PCDHGA6: variants seen among roughly 807,000 people sequenced by gnomAD.
The protein encoded by PCDHGA6 is protocadherin gamma-A6.
A neutral mutation model predicts 60.6 loss-of-function variants in PCDHGA6; 41 were observed. The observed-to-expected ratio is 0.68, with a 90% CI of 0.53 to 0.88. The LOEUF (loss-of-function observed/expected upper bound fraction) is 0.88. PCDHGA6 is among the 40% of genes least tolerant of loss of function. The pLI is 0.00. For missense variants in PCDHGA6, 1,312 were observed against 1,203.0 expected (o/e 1.09, Z -1.34); for synonymous variants, 594 against 524.4 (o/e 1.13, Z -1.81).
intron 1 of PCDHGA6, chr5:141,426,390 C>T (rs1211244710): frequency 7.9e-6 from 2 of 252,180 alleles, no homozygotes; most frequent in African/African-American, 4.4e-5. Flanking sequence ...AGATCCGCTA[C>T]TCTATTCCAG....
rs755732164 is a variant in PCDHGA6 at position 141,375,200 on chromosome 5, G to T, written c.1117G>T (p.Asp373Tyr). ...GTVIALFQVF[D>Y]RDSGLNGLVT... ...AGTAATCGCCCTTTTTCAAGTGTTC[G>T]ATCGAGACTCTGGCCTGAATGGCCT... Residue 373 changes from aspartate to tyrosine, a missense_variant, in exon 1 of 4, where the codon GAT becomes TAT. Asp to Tyr is a radical substitution (Grantham distance 160). Coordinates refer to ENST00000517434, the MANE Select transcript of PCDHGA6 (RefSeq NM_018919.3). 8.1e-6 allele frequency: 13 copies of T among 1,613,822 alleles called. No individual in the cohort carries two copies. Among genetic ancestry groups the T allele is most frequent in the East Asian group, 2.2e-5 (1 of 44,902 alleles).
chr5:141,417,528 A>G, intron 1 of PCDHGA6: 1 of 277,368 alleles, frequency 3.6e-6, no homozygotes, highest in Non-Finnish European at 6.7e-6. Context: ...GTCAACTCGT[A>G]GTTTAAAAAA....
rs2093099818 is a variant in PCDHGA6 at position 141,394,799 on chromosome 5, A to T, written c.2424+18292A>T. On this transcript the variant is annotated intron_variant, in intron 1 of 3. Transcript: ENST00000517434. The stretch of plus-strand genomic sequence containing the variant: ...TCTCCGCCACTGTCACGCTCACCGT[A>T]GCCGTGGCTGACAGCATCCCCGAAG... 3 of 1,613,690 alleles carry T rather than the reference A, an allele frequency of 1.9e-6. No individual in the cohort carries two copies. The Admixed American group carries it at 5.0e-5, about 27-fold the overall frequency.
chr5:141,420,089 A>G lies in PCDHGA6; in HGVS notation c.2424+43582A>G. On this transcript the variant is annotated intron_variant, in intron 1 of 3. Transcript: ENST00000517434. The stretch of plus-strand genomic sequence containing the variant: ...CGGACCTGTGGGTCCCCCCAACTAC[A>G]GTGAGGGAACGTTGCCCTATGCCTA... 2.5e-6 allele frequency: 4 copies of G among 1,613,986 alleles called. No individual in the cohort carries two copies. Among genetic ancestry groups the G allele is most frequent in the Middle Eastern group, 1.6e-4 (1 of 6,062 alleles).
intron 3 of PCDHGA6, among the ~76,000 whole-genome samples, chr5:141,508,975 G>T (rs1360718244): frequency 2.6e-5 from 4 of 152,148 alleles, no homozygotes; most frequent in African/African-American, 7.2e-5. Context: ...AAGGGCTGGG[G>T]GTGGGGGCCA....
chr5:141,431,725 G>A lies in PCDHGA6; in HGVS notation c.2424+55218G>A. The A allele has an allele frequency of 6.2e-7, 1 of 1,614,230 alleles. No individual in the cohort carries two copies. Among genetic ancestry groups the A allele is most frequent in the Non-Finnish European group, 8.5e-7 (1 of 1,180,044 alleles). On this transcript the variant is annotated intron_variant, in intron 1 of 3. Coordinates refer to ENST00000517434, the MANE Select transcript of PCDHGA6 (RefSeq NM_018919.3). The surrounding 1 kb of genome is among the most constrained non-coding windows in gnomAD (Gnocchi z 4.8). Reference sequence around the variant, plus strand: ...TCTACCAGATGGAAGTGCAAGCAATGGATAATGCAGGATATTCTGCGCGAG... The same window carrying A: ...TCTACCAGATGGAAGTGCAAGCAATAGATAATGCAGGATATTCTGCGCGAG...
At chr5:141,382,791 C>T in intron 1 of PCDHGA6, 1 of 942,536 alleles carries the variant, frequency 1.1e-6, no homozygotes, top group Non-Finnish European at 1.6e-6. Context: ...AGCCTCTATC[C>T]TGCTGGATTC....
Position 141,448,649 on chromosome 5 carries a change from T to C in PCDHGA6, c.2425-46158T>C, listed in dbSNP as rs181402439. 1.4e-3 allele frequency among the ~76,000 whole-genome samples: 218 copies of C among 152,220 alleles called. 1 individual carries two copies. Among genetic ancestry groups the C allele is most frequent in the African/African-American group, 5.0e-3 (206 of 41,530 alleles). On this transcript the variant is annotated intron_variant, in intron 1 of 3. Transcript: ENST00000517434. ...CTTCACATTATATCCTTTAAAAATA[T>C]TTCCATATTGGCCGGGCGCGGTGGC...
chr5:141,431,002 C>A lies in PCDHGA6; in HGVS notation c.2424+54495C>A, dbSNP rs1055964066. The A allele has an allele frequency of 6.2e-7, 1 of 1,613,836 alleles. No individual in the cohort carries two copies. Among genetic ancestry groups the A allele is most frequent in the Admixed American group, 1.7e-5 (1 of 59,990 alleles). The stretch of plus-strand genomic sequence containing the variant: ...AGCTTTTCGCCCTGAATCCGCGCAG[C>A]GGCAGCTTGGTCACGGCGGGCAGGA... On this transcript the variant is annotated intron_variant, in intron 1 of 3. Transcript: ENST00000517434. The surrounding 1 kb of genome is among the most constrained non-coding windows in gnomAD (Gnocchi z 4.8).
chr5:141,433,262 T>A, intron 1 of PCDHGA6: 1 of 1,339,436 alleles, frequency 7.5e-7, no homozygotes, highest in Non-Finnish European at 1.0e-6. Flanking sequence ...GGTACGATCA[T>A]AGCTCACTGC....
At chr5:141,462,996 G>A (rs2099050826) in intron 1 of PCDHGA6, among the ~76,000 whole-genome samples, 1 of 152,082 alleles carries the variant, frequency 6.6e-6, no homozygotes, top group South Asian at 2.1e-4. Flanking sequence ...GGCTAATTTA[G>A]ACCTACCACT....
chr5:141,394,729 A>T (rs765609733), intron 1 of PCDHGA6: 44 of 1,613,302 alleles, frequency 2.7e-5, no homozygotes, highest in African/African-American at 4.0e-5. Flanking sequence ...GATGCGCTCA[A>T]GCAGAGCCTC....
intron 1 of PCDHGA6, 144 bp from the exon 2 acceptor site, chr5:141,494,663 G>A: frequency 6.7e-7 from 1 of 1,499,356 alleles, no homozygotes; most frequent in Non-Finnish European, 9.0e-7. Flanking sequence ...TGTCTTTGGA[G>A]ATGAGTCCAC....
At chr5:141,404,333 C>G (rs181615917) in intron 1 of PCDHGA6, 10 of 1,613,736 alleles carry the variant, frequency 6.2e-6, no homozygotes, top group Non-Finnish European at 8.5e-6. Flanking sequence ...CTCAGTCTAC[C>G]TCCCGGAAAA....
chr5:141,419,177 C>G (rs1223789288), intron 1 of PCDHGA6: 3 of 1,613,980 alleles, frequency 1.9e-6, no homozygotes, highest in Non-Finnish European at 2.5e-6. Flanking sequence ...AACCATAACC[C>G]TGCACATTAC....
chr5:141,454,894 G>A (rs1371368633), intron 1 of PCDHGA6, among the ~76,000 whole-genome samples: 2 of 126,736 alleles, frequency 1.6e-5, no homozygotes, highest in Non-Finnish European at 3.1e-5. Context: ...TGCTAGCACC[G>A]CCTCCCGGGT....
chr5:141,389,191 T>A, intron 1 of PCDHGA6: 1 of 1,614,050 alleles, frequency 6.2e-7, no homozygotes, highest in Non-Finnish European at 8.5e-7. Context: ...AGTTCCAGCA[T>A]CACCCTGCAC....
intron 1 of PCDHGA6, chr5:141,423,851 C>T (rs1311833319): frequency 7.8e-6 from 10 of 1,275,940 alleles, no homozygotes; most frequent in African/African-American, 1.6e-5. Flanking sequence ...TCTTTCAGAA[C>T]GTTTTTGTGA....
Position 141,486,793 on chromosome 5 carries a change from G to C in PCDHGA6, c.2425-8014G>C. ...AGTTTGAGGTGCAGGCCCGGGATCG[G>C]GGCAACCCACCCCTTAGCAGCACTG... is the stretch of plus-strand genomic sequence containing the variant. On this transcript the variant is annotated intron_variant, in intron 1 of 3. Transcript: ENST00000517434. This position sits in a 1 kb window ranked among gnomAD's most constrained non-coding sequence, Gnocchi z 5.0. 6.2e-7 allele frequency: 1 copy of C among 1,614,244 alleles called. No homozygotes were observed. Among genetic ancestry groups the C allele is most frequent in the Non-Finnish European group, 8.5e-7 (1 of 1,180,050 alleles).
Sources: gnomAD v4.1 joint callset for allele counts (sites outside exome capture counted in the v4.1 genomes callset) on GRCh38, gnomAD v4.1.1 for gene constraint, Gnocchi (gnomAD v3.1) non-coding constraint, MANE v1.5 for transcripts, NCBI Gene and HGNC (gene_info 2026-07-23, HGNC 2026-07-21) for gene names.